Variants in PTPRT observed in about 807,000 individuals in gnomAD.
PTPRT encodes the protein protein tyrosine phosphatase receptor type T, also known as receptor-type tyrosine-protein phosphatase T.
PTPRT carries 56 observed loss-of-function variants against 176.8 expected under a neutral mutation model. The ratio of observed to expected loss-of-function variants is 0.32; its 90% CI spans 0.26 to 0.40. The LOEUF is 0.40. Ranked by LOEUF, PTPRT falls within the 10% of genes least tolerant of loss-of-function variation. The probability of loss-of-function intolerance (pLI) is 1.00; values close to 1 mark genes in which losing one functional copy is unlikely to be tolerated. For missense variants in PTPRT, 1,540 were observed against 1,908.2 expected (o/e 0.81, Z 3.60); for synonymous variants, 783 against 739.0 (o/e 1.06, Z -0.96).
chr20:43,138,595 T>C (rs1326537925), intron 1 of PTPRT, among the ~76,000 whole-genome samples: 2 of 152,190 alleles, frequency 1.3e-5, no homozygotes, highest in Non-Finnish European at 2.9e-5. Context: ...GCCACTGTCA[T>C]GTAACACGGT....
Position 42,115,332 on chromosome 20 carries a change from GACAGAGACAGAGACAGA to G in PTPRT, c.2983-34_2983-18del. 1 of 1,541,014 alleles carries G rather than the reference GACAGAGACAGAGACAGA, an allele frequency of 6.5e-7. No homozygotes were observed. Among genetic ancestry groups the G allele is most frequent in the Non-Finnish European group, 9.0e-7 (1 of 1,114,016 alleles). ...ACATTTCACCTGTGGCCAAGTGAGA[GACAGAGACAGAGACAGA>G]ACAGAGACAAGGATGCATAAGCACA... On this transcript the variant is annotated intron_variant, in intron 21 of 30. Coordinates refer to ENST00000373187, the MANE Select transcript of PTPRT (RefSeq NM_007050.6).
In PTPRT at chr20:43,111,047, A is replaced by C. The variant is rs557691508; in HGVS notation, c.88+78599T>G. 3.2e-4 allele frequency among the ~76,000 whole-genome samples: 49 copies of C among 152,254 alleles called. 1 individual carries two copies. The highest frequency in any genetic ancestry group is 1.2e-3 in the African/African-American group (49 of 41,558). ...ATCTGGAAATGGCTGGAAAAGAAGA[A>C]ACCAGAGGCTAGGAAGGGAAAGGAA... On this transcript the variant is annotated intron_variant, in intron 1 of 30. Transcript: ENST00000373187.
At chr20:42,346,962 T>C (rs981507672) in intron 11 of PTPRT, among the ~76,000 whole-genome samples, 1 of 152,098 alleles carries the variant, frequency 6.6e-6, no homozygotes, top group Non-Finnish European at 1.5e-5. Flanking sequence ...GTTTACTCCG[T>C]AGCACCCCCA....
intron 2 of PTPRT, among the ~76,000 whole-genome samples, chr20:42,819,591 A>G (rs1289820622): frequency 1.3e-5 from 2 of 152,206 alleles, no homozygotes; most frequent in African/African-American, 4.8e-5. Context: ...GCCCCAATTA[A>G]AAGACACAGA....
intron 15 of PTPRT, 149 bp from the exon 16 acceptor site, chr20:42,199,537 G>T: frequency 5.7e-6 from 5 of 876,996 alleles, no homozygotes; most frequent in Non-Finnish European, 8.6e-6. Context: ...AACAAACCAT[G>T]AATGGTTTCC....
chr20:42,954,774 G>A (rs1981514820), intron 1 of PTPRT, among the ~76,000 whole-genome samples: 1 of 152,110 alleles, frequency 6.6e-6, no homozygotes, highest in African/African-American at 2.4e-5. Flanking sequence ...ATATATCCAG[G>A]ATTTAAATGA....
At chr20:42,557,513 T>C (rs532523312) in intron 7 of PTPRT, among the ~76,000 whole-genome samples, 2 of 152,236 alleles carry the variant, frequency 1.3e-5, no homozygotes, top group South Asian at 4.1e-4. Flanking sequence ...CCACCTTTCA[T>C]GACACCCTTG....
chr20:42,182,670 T>C (rs752093783), intron 16 of PTPRT, among the ~76,000 whole-genome samples: 4 of 152,162 alleles, frequency 2.6e-5, no homozygotes, highest in Non-Finnish European at 4.4e-5. Flanking sequence ...AGACATTAAC[T>C]GAATAAGAAC....
chr20:42,266,892 C>T (rs1216757346), intron 13 of PTPRT, among the ~76,000 whole-genome samples: 1 of 152,122 alleles, frequency 6.6e-6, no homozygotes, highest in African/African-American at 2.4e-5. Flanking sequence ...AACTGAGGAA[C>T]TGAATTTAAA....
chr20:42,337,942 C>T (rs1464990720), intron 11 of PTPRT, among the ~76,000 whole-genome samples: 1 of 152,140 alleles, frequency 6.6e-6, no homozygotes, highest in African/African-American at 2.4e-5. Flanking sequence ...CACCTCCTTC[C>T]TAAGCTCCCT....
chr20:42,081,061 G>A (rs1448743330), intron 30 of PTPRT, 129 bp from the exon 31 acceptor site: 2 of 713,778 alleles, frequency 2.8e-6, no homozygotes, highest in African/African-American at 3.6e-5. Context: ...TCCATATTAT[G>A]TCAACTCAAA....
intron 6 of PTPRT, among the ~76,000 whole-genome samples, chr20:42,697,546 A>G (rs2146144882): frequency 6.6e-6 from 1 of 152,364 alleles, no homozygotes; most frequent in Non-Finnish European, 1.5e-5. Context: ...CTCAATACAA[A>G]ACAGACACGG....
intron 1 of PTPRT, among the ~76,000 whole-genome samples, chr20:43,129,636 T>TTTTTTA (rs2013577593): frequency 7.0e-6 from 1 of 142,134 alleles, no homozygotes; most frequent in African/African-American, 2.7e-5. Context: ...TTTTTTTTTT[T>TTTTTTA]GAGACGGAGT....
intron 7 of PTPRT, among the ~76,000 whole-genome samples, chr20:42,607,766 G>T (rs1299662171): frequency 6.6e-6 from 1 of 152,170 alleles, no homozygotes; most frequent in Non-Finnish European, 1.5e-5. Flanking sequence ...TGCACAGCGG[G>T]GGAGCCTGAA....
intron 7 of PTPRT, among the ~76,000 whole-genome samples, chr20:42,550,873 G>C (rs1032815573): frequency 1.3e-5 from 2 of 152,076 alleles, no homozygotes; most frequent in Non-Finnish European, 2.9e-5. Context: ...AGTCTGATTT[G>C]AGCCATGGCC....
chr20:43,104,567 T>C (rs2012521064), intron 1 of PTPRT, among the ~76,000 whole-genome samples: 1 of 152,196 alleles, frequency 6.6e-6, no homozygotes, highest in Non-Finnish European at 1.5e-5. Context: ...TGGTGAGACA[T>C]ATTAAAATGC....
chr20:42,230,402 A>G (rs2056109942), intron 15 of PTPRT, among the ~76,000 whole-genome samples: 1 of 152,214 alleles, frequency 6.6e-6, no homozygotes, highest in Non-Finnish European at 1.5e-5. Flanking sequence ...CAAAACAATT[A>G]CTGTGCCTAT....
chr20:42,835,692 C>T (rs552449023), intron 2 of PTPRT, among the ~76,000 whole-genome samples: 53 of 152,018 alleles, frequency 3.5e-4, no homozygotes, highest in Middle Eastern at 6.8e-3. Flanking sequence ...TTATTAACAA[C>T]GATTATTTTT....
At chr20:42,620,805 A>C (rs2145855904) in intron 7 of PTPRT, among the ~76,000 whole-genome samples, 1 of 152,200 alleles carries the variant, frequency 6.6e-6, no homozygotes, top group East Asian at 1.9e-4. Context: ...CGGCTTGCGC[A>C]CGGTGCGCGC....
Sources: gnomAD v4.1 joint callset for allele counts (sites outside exome capture counted in the v4.1 genomes callset) on GRCh38, gnomAD v4.1.1 for gene constraint, MANE v1.5 for transcripts, NCBI Gene and HGNC (gene_info 2026-07-23, HGNC 2026-07-21) for gene names.